SNX1: variants seen among roughly 807,000 people sequenced by gnomAD.
The protein encoded by SNX1 is sorting nexin-1.
Under a neutral mutation model 71.8 loss-of-function variants are expected in SNX1, and 36 were observed. The ratio of observed to expected loss-of-function variants is 0.50; its 90% CI spans 0.38 to 0.66. SNX1 has a LOEUF of 0.66. Ranked by LOEUF, SNX1 falls within the 30% of genes least tolerant of loss-of-function variation. The pLI is 0.00. For missense variants in SNX1, 612 were observed against 646.7 expected, an observed-to-expected ratio of 0.95 and a Z score of 0.58; for synonymous variants, 254 against 240.7, an observed-to-expected ratio of 1.06 and a Z score of -0.51.
intron 1 of SNX1, among the ~76,000 whole-genome samples, chr15:64,103,741 G>A (rs767574984): frequency 1.3e-5 from 2 of 152,158 alleles, no homozygotes; most frequent in Non-Finnish European, 2.9e-5. Context: ...TTAATTCTCT[G>A]TTCTGTGAAA....
intron 5 of SNX1, 126 bp downstream of exon 5, chr15:64,123,672 A>G (rs2081218254): frequency 1.3e-6 from 1 of 774,800 alleles, no homozygotes; most frequent in East Asian, 2.6e-5. Context: ...TTTACTCAAG[A>G]TAGAGCAAGC....
chr15:64,134,609 G>A lies in SNX1; in HGVS notation c.1222-55G>A, dbSNP rs2081338102. ...CTGGGAGAGCCTGCCTCGAGGCAGA[G>A]CCAGCAGAGCTCTTGAAGAGCTGGT... On this transcript the variant is annotated intron_variant, in intron 11 of 14. Transcript: ENST00000559844. This position sits in a 1 kb window ranked among gnomAD's most constrained non-coding sequence, Gnocchi z 4.1. The A allele has an allele frequency of 2.6e-6, 4 of 1,564,150 alleles. No individual in the cohort carries two copies. The African/African-American group carries it at 5.4e-5, about 21-fold the overall frequency.
At chr15:64,109,489 A>T (rs1204933960) in intron 1 of SNX1, among the ~76,000 whole-genome samples, 1 of 127,506 alleles carries the variant, frequency 7.8e-6, no homozygotes, top group East Asian at 2.6e-4. Flanking sequence ...CCTAGTGAAG[A>T]TTTTTGTTTT....
chr15:64,120,688 A>C (rs2081187997), intron 4 of SNX1, among the ~76,000 whole-genome samples: 1 of 152,104 alleles, frequency 6.6e-6, no homozygotes, highest in Non-Finnish European at 1.5e-5. Flanking sequence ...AAAAAAATAA[A>C]AAATTACAGA....
At position 64,131,695 on chromosome 15, in the gene SNX1, C is replaced by T; in HGVS notation, c.1024C>T (p.Leu342=). 1.2e-6 allele frequency: 2 copies of T among 1,614,058 alleles called. No homozygotes were observed. Among genetic ancestry groups the T allele is most frequent in the Non-Finnish European group, 1.7e-6 (2 of 1,180,032 alleles). Residue 342 remains leucine, a synonymous_variant, in exon 11 of 15, where the codon CTG becomes TTG. Transcript: ENST00000559844. ...TCTTTTCCTCCTTCCAGAGCTAGCG[C>T]TGAACACAGCCCAGTTTGCAAAGAG... is the stretch of plus-strand genomic sequence containing the variant. The part of the protein sequence containing the change: ...TLVNHRKELA[L]NTAQFAKSLA...
At chr15:64,130,122 T>C in intron 9 of SNX1, 93 bp downstream of exon 9, 1 of 1,477,208 alleles carries the variant, frequency 6.8e-7, no homozygotes, top group Non-Finnish European at 9.4e-7. Flanking sequence ...ATTAGAAACT[T>C]TTTTATAAGA....
intron 2 of SNX1, among the ~76,000 whole-genome samples, 154 bp from the exon 3 acceptor site, chr15:64,117,963 C>G (rs1023108315): frequency 2.0e-5 from 3 of 152,210 alleles, no homozygotes; most frequent in African/African-American, 7.2e-5. Context: ...CCTTCCTCCC[C>G]TTTTCTCCTT....
At chr15:64,098,012 G>C (rs1329631081) in intron 1 of SNX1, among the ~76,000 whole-genome samples, 2 of 152,128 alleles carry the variant, frequency 1.3e-5, no homozygotes, top group South Asian at 2.1e-4. Flanking sequence ...ATAAGTCTTT[G>C]TGACTGTCAT....
chr15:64,104,876 C>T (rs1397265865), intron 1 of SNX1, among the ~76,000 whole-genome samples: 1 of 106,490 alleles, frequency 9.4e-6, no homozygotes, highest in African/African-American at 3.5e-5. Flanking sequence ...CAGAGCAAGA[C>T]TTGATCTTAA....
intron 2 of SNX1, 86 bp downstream of exon 2, chr15:64,112,770 A>G (rs1397484437): frequency 3.9e-6 from 3 of 775,832 alleles, no homozygotes; most frequent in Non-Finnish European, 4.2e-6. Context: ...AAAAAAAAAA[A>G]AAGTATTGGG....
chr15:64,136,189 T>C, intron 12 of SNX1, 141 bp from the exon 13 acceptor site: 1 of 675,098 alleles, frequency 1.5e-6, no homozygotes, highest in Non-Finnish European at 2.7e-6. Flanking sequence ...TGGAATCCTC[T>C]GTGACACCTC....
At chr15:64,102,045 AAAATT>A (rs1249699762) in intron 1 of SNX1, among the ~76,000 whole-genome samples, 2 of 152,234 alleles carry the variant, frequency 1.3e-5, no homozygotes, top group African/African-American at 4.8e-5. Context: ...AAAAAGAAAA[AAAATT>A]AAAGAATAAT....
intron 5 of SNX1, among the ~76,000 whole-genome samples, chr15:64,125,792 A>G (rs1354780016): frequency 1.3e-5 from 2 of 152,208 alleles, no homozygotes; most frequent in African/African-American, 4.8e-5. Flanking sequence ...CTCAAGGGTC[A>G]CCATGGCTTC....
intron 1 of SNX1, among the ~76,000 whole-genome samples, chr15:64,111,984 T>C (rs572640659): frequency 6.6e-6 from 1 of 152,388 alleles, no homozygotes; most frequent in Admixed American, 6.5e-5. Context: ...GATTAGTTTT[T>C]ATTCTCCTAG....
At chr15:64,113,794 C>G (rs532262465) in intron 2 of SNX1, among the ~76,000 whole-genome samples, 5 of 151,868 alleles carry the variant, frequency 3.3e-5, no homozygotes, top group African/African-American at 9.7e-5. Context: ...ACACTGCAGC[C>G]TGGGTGACAG....
intron 2 of SNX1, among the ~76,000 whole-genome samples, chr15:64,116,447 C>T (rs76171248): frequency 0.012 from 1,843 of 152,292 alleles, 36 homozygotes; most frequent in African/African-American, 0.043. Flanking sequence ...TATGTTACCA[C>T]CTTTCTCACT....
chr15:64,101,490 C>T (rs1000929655), intron 1 of SNX1, among the ~76,000 whole-genome samples: 9 of 152,164 alleles, frequency 5.9e-5, no homozygotes, highest in Admixed American at 1.3e-4. Flanking sequence ...GTATATAGCA[C>T]ATTTTATTTA....
chr15:64,120,851 A>C (rs73448936), intron 4 of SNX1, among the ~76,000 whole-genome samples: 2,412 of 152,208 alleles, frequency 0.016, 69 homozygotes, highest in African/African-American at 0.055. Flanking sequence ...AAAAAGAAAA[A>C]AAATTTTTTT....
rs1033089878 is a variant in SNX1 at position 64,126,244 on chromosome 15, A to G, written c.652+24A>G. ...AGGTAAGCCTGTGGTCTTTCATTCC[A>G]CTTGGATTGTTTTCCTTTGCATTCT... is the stretch of plus-strand genomic sequence containing the variant. On this transcript the variant is annotated intron_variant, in intron 6 of 14. Coordinates refer to ENST00000559844, the MANE Select transcript of SNX1 (RefSeq NM_003099.5). The G allele has an allele frequency of 3.1e-6, 5 of 1,605,606 alleles. No individual in the cohort carries two copies. The African/African-American group carries it at 5.4e-5, about 17-fold the overall frequency.
Sources: gnomAD v4.1 joint callset for allele counts (sites outside exome capture counted in the v4.1 genomes callset) on GRCh38, gnomAD v4.1.1 for gene constraint, Gnocchi (gnomAD v3.1) non-coding constraint, MANE v1.5 for transcripts, NCBI Gene and HGNC (gene_info 2026-07-23, HGNC 2026-07-21) for gene names.